TMED3: variants seen among roughly 807,000 people sequenced by gnomAD.
The protein encoded by TMED3 is transmembrane p24 trafficking protein 3.
Under a neutral mutation model 15.0 loss-of-function variants are expected in TMED3, and 9 were observed. That is an observed-to-expected ratio of 0.60 (90% CI 0.36 to 1.04). The LOEUF (loss-of-function observed/expected upper bound fraction) is 1.04. Ranked by LOEUF, TMED3 falls within the 50% of genes least tolerant of loss-of-function variation. The probability of loss-of-function intolerance (pLI) is 0.01; values close to 1 mark genes in which losing one functional copy is unlikely to be tolerated. For missense variants in TMED3, 267 were observed against 278.9 expected (o/e 0.96, Z 0.30); for synonymous variants, 117 against 121.4 (o/e 0.96, Z 0.24).
At chr15:79,357,494 A>C (rs1595898935) in intron 2 of TMED3, among the ~76,000 whole-genome samples, 1 of 148,450 alleles carries the variant, frequency 6.7e-6, no homozygotes, top group Non-Finnish European at 1.5e-5. Context: ...AAGCAAGCAC[A>C]TTATTACATT....
At chr15:79,356,379 T>C (rs561539976) in intron 2 of TMED3, among the ~76,000 whole-genome samples, 1 of 152,262 alleles carries the variant, frequency 6.6e-6, no homozygotes, top group South Asian at 2.1e-4. Flanking sequence ...ACATAAAAGG[T>C]GCTCAATATA....
chr15:79,311,336 C>G lies in TMED3; in HGVS notation c.87C>G (p.Leu29=). Residue 29 remains leucine, a synonymous_variant, in exon 1 of 3, where the codon CTC becomes CTG. Transcript: ENST00000299705. ...CCGAGCAGCCCTGCGGGGCCGAGCT[C>G]ACCTTCGAGCTGCCGGACAACGCCA... The part of the protein sequence containing the change: ...RRAEQPCGAE[L]TFELPDNAKQ... 1 of 1,611,262 alleles carries G rather than the reference C, an allele frequency of 6.2e-7. No homozygotes were observed. The highest frequency in any genetic ancestry group is 1.1e-5 in the South Asian group (1 of 90,574).
At chr15:79,396,353 A>G (rs1426271736) in intron 2 of TMED3, among the ~76,000 whole-genome samples, 1 of 152,196 alleles carries the variant, frequency 6.6e-6, no homozygotes, top group African/African-American at 2.4e-5. Context: ...TGACTCCACT[A>G]TGTCTGGGGC....
chr15:79,376,526 G>C (rs1317653537), intron 2 of TMED3, among the ~76,000 whole-genome samples: 2 of 152,156 alleles, frequency 1.3e-5, no homozygotes, highest in Admixed American at 1.3e-4. Flanking sequence ...TTACGGGGAA[G>C]TGTTAATTTG....
chr15:79,354,348 A>G (rs2058910061), intron 2 of TMED3, among the ~76,000 whole-genome samples: 1 of 152,178 alleles, frequency 6.6e-6, no homozygotes, highest in Admixed American at 6.5e-5. Context: ...AGTTTCCTTA[A>G]GTACAGTGAG....
intron 2 of TMED3, among the ~76,000 whole-genome samples, chr15:79,366,872 A>G (rs1017665274): frequency 6.6e-6 from 1 of 151,680 alleles, no homozygotes; most frequent in African/African-American, 2.4e-5. Flanking sequence ...CCCTTTGTGT[A>G]TTTAATGTGC....
Position 79,396,811 on chromosome 15 carries a change from A to C in TMED3, c.418-14589A>C, listed in dbSNP as rs544720798. ...GAGTTTCAAGGACTTAATATTCAAG[A>C]AAGAATGTAAAATATTTTATTCTTA... On this transcript the variant is annotated intron_variant, in intron 2 of 2. Coordinates refer to the TMED3 transcript ENST00000424155. Among the ~76,000 whole-genome samples, 205 of 152,380 alleles carry C rather than the reference A, an allele frequency of 1.3e-3. 2 individuals are homozygous for C. Among genetic ancestry groups the C allele is most frequent in the African/African-American group, 4.7e-3 (196 of 41,594 alleles).
chr15:79,369,973 G>C (rs1369504910), intron 2 of TMED3, among the ~76,000 whole-genome samples: 1 of 152,230 alleles, frequency 6.6e-6, no homozygotes, highest in Non-Finnish European at 1.5e-5. Flanking sequence ...GTTTCCTAGT[G>C]GGCATGCTTT....
intron 2 of TMED3, among the ~76,000 whole-genome samples, chr15:79,344,193 T>A (rs1264660242): frequency 6.6e-6 from 1 of 152,138 alleles, no homozygotes; most frequent in Non-Finnish European, 1.5e-5. Context: ...CCCCCCAGAG[T>A]GTGGTGGCCC....
chr15:79,313,989 T>A lies in TMED3; in HGVS notation c.401T>A (p.Val134Asp), dbSNP rs948574029. Residue 134 changes from valine to aspartate, a missense_variant, in exon 2 of 3, where the codon GTC becomes GAC. Transcript: ENST00000299705. ...PPILPDMGNRVTALTQMESAC... is the reference protein window; with the variant it reads ...PPILPDMGNRDTALTQMESAC... ...ATTCTCCCAGACATGGGGAACAGGG[T>A]CACAGCTCTCACCCAGGTGAGTGAA... 1.9e-6 allele frequency: 3 copies of A among 1,613,946 alleles called. No individual in the cohort carries two copies. The highest frequency in any genetic ancestry group is 2.5e-6 in the Non-Finnish European group (3 of 1,179,942).
intron 2 of TMED3, among the ~76,000 whole-genome samples, chr15:79,363,485 CA>C (rs1392057239): frequency 1.3e-5 from 1 of 75,066 alleles, no homozygotes; most frequent in African/African-American, 4.5e-5. Context: ...CTCCAAGTGA[CA>C]AAGAACTACA....
chr15:79,311,951 T>G (rs914573183), intron 1 of TMED3, among the ~76,000 whole-genome samples: 1 of 152,226 alleles, frequency 6.6e-6, no homozygotes, highest in Non-Finnish European at 1.5e-5. Context: ...CATTGAGGCC[T>G]GGCGGTGTTT....
chr15:79,333,048 G>A (rs868841735), intron 2 of TMED3, among the ~76,000 whole-genome samples: 79 of 152,104 alleles, frequency 5.2e-4, no homozygotes, highest in African/African-American at 1.9e-3. Context: ...TCCTTCTCTT[G>A]CACTCCATTC....
chr15:79,396,524 CATGGTA>C (rs1893764954), intron 2 of TMED3, among the ~76,000 whole-genome samples: 1 of 152,206 alleles, frequency 6.6e-6, no homozygotes, highest in Non-Finnish European at 1.5e-5. Flanking sequence ...TTCCTCAACG[CATGGTA>C]ATCTCAGGGT....
chr15:79,341,686 C>T (rs1395213508), intron 2 of TMED3, among the ~76,000 whole-genome samples: 1 of 152,204 alleles, frequency 6.6e-6, no homozygotes, highest in Non-Finnish European at 1.5e-5. Flanking sequence ...TCCTACTTCA[C>T]TGGAGTGTGG....
intron 2 of TMED3, among the ~76,000 whole-genome samples, chr15:79,321,393 TTATA>T (rs888675578): frequency 1.3e-5 from 2 of 152,236 alleles, no homozygotes; most frequent in Non-Finnish European, 2.9e-5. Context: ...TAGTGCCTGT[TTATA>T]TATATGTGTC....
rs529335051 is a variant in TMED3 at position 79,357,645 on chromosome 15, G to C, written c.417+43640G>C. ...TACTGGGAGGACTGCCGTGCTGGGG[G>C]CATTTGGAGTCTGGGCCACTGTAGA... On this transcript the variant is annotated intron_variant, in intron 2 of 2. Transcript: ENST00000424155. Among the ~76,000 whole-genome samples the C allele has an allele frequency of 2.3e-4, 35 of 151,930 alleles. 1 individual carries two copies. In the South Asian group the frequency reaches 6.6e-3, roughly 29 times the overall value.
chr15:79,386,291 T>C (rs1190598471), intron 2 of TMED3, among the ~76,000 whole-genome samples: 1 of 152,242 alleles, frequency 6.6e-6, no homozygotes, highest in Non-Finnish European at 1.5e-5. Context: ...TTATGTGCTT[T>C]TGACCATAAT....
intron 2 of TMED3, among the ~76,000 whole-genome samples, chr15:79,332,010 A>G (rs4486864): frequency 0.18 from 27,418 of 152,160 alleles, 2,462 homozygotes; most frequent in Admixed American, 0.24. Flanking sequence ...CTATGATTGT[A>G]CCACTGCACT....
Sources: allele counts gnomAD v4.1 joint callset (sites outside exome capture counted in the v4.1 genomes callset), GRCh38; gene constraint gnomAD v4.1.1; transcripts MANE v1.5; gene names NCBI Gene and HGNC (gene_info 2026-07-23, HGNC 2026-07-21).